HMCN1: variants seen among roughly 807,000 people sequenced by gnomAD.
HMCN1 encodes hemicentin-1.
A neutral mutation model predicts 625.9 loss-of-function variants in HMCN1; 321 were observed. That is an observed-to-expected ratio of 0.51 (90% CI 0.47 to 0.56). HMCN1 has a LOEUF of 0.56. Ranked by LOEUF, HMCN1 falls within the 20% of genes least tolerant of loss-of-function variation. The probability of loss-of-function intolerance (pLI) is 0.00; values close to 1 mark genes in which losing one functional copy is unlikely to be tolerated. For synonymous variants in HMCN1, 2,425 were observed against 2,417.6 expected, an observed-to-expected ratio of 1.00 and a Z score of -0.09; for missense variants, 6,588 against 6,887.3, an observed-to-expected ratio of 0.96 and a Z score of 1.54.
At chr1:185,837,220 G>A (rs1162840196) in intron 1 of HMCN1, among the ~76,000 whole-genome samples, 3 of 151,838 alleles carry the variant, frequency 2.0e-5, no homozygotes, top group Non-Finnish European at 2.9e-5. Flanking sequence ...CACAGATGTT[G>A]TAACCATTCA....
intron 4 of HMCN1, among the ~76,000 whole-genome samples, chr1:185,881,870 AC>A (rs1375021249): frequency 6.6e-6 from 1 of 152,128 alleles, no homozygotes; most frequent in Non-Finnish European, 1.5e-5. Flanking sequence ...TCACATCCAA[AC>A]TTGTTCTGAA....
chr1:185,911,289 C>T (rs73062140), intron 5 of HMCN1, among the ~76,000 whole-genome samples: 9,650 of 152,092 alleles, frequency 0.063, 1,075 homozygotes, highest in African/African-American at 0.22. Context: ...AGGCTGGCTT[C>T]GGAAATATGA....
intron 20 of HMCN1, among the ~76,000 whole-genome samples, chr1:185,988,525 T>A (rs922799586): frequency 3.3e-5 from 5 of 152,218 alleles, no homozygotes; most frequent in Non-Finnish European, 5.9e-5. Context: ...GTTAGCTTTT[T>A]AAAAAAATTA....
At chr1:186,000,641 A>G (rs987986605) in intron 26 of HMCN1, among the ~76,000 whole-genome samples, 8 of 151,372 alleles carry the variant, frequency 5.3e-5, no homozygotes, top group African/African-American at 1.7e-4. Context: ...AAGAAATACA[A>G]TGTTTTATCC....
intron 89 of HMCN1, among the ~76,000 whole-genome samples, chr1:186,143,197 A>T (rs1650082123): frequency 6.6e-6 from 1 of 152,354 alleles, no homozygotes; most frequent in South Asian, 2.1e-4. Flanking sequence ...ACATGCATTT[A>T]AAAATATTTT....
intron 4 of HMCN1, among the ~76,000 whole-genome samples, chr1:185,892,524 C>G (rs988152489): frequency 3.3e-5 from 5 of 152,002 alleles, no homozygotes; most frequent in Non-Finnish European, 7.3e-5. Flanking sequence ...AGTTTTCCTT[C>G]TAACAGACAG....
chr1:186,187,818 G>T (rs1653440901), intron 105 of HMCN1, 65 bp from the exon 106 acceptor site: 5 of 1,603,428 alleles, frequency 3.1e-6, no homozygotes, highest in Non-Finnish European at 4.3e-6. Context: ...CATCTACAGT[G>T]CCTGCTCTGA....
In HMCN1 at chr1:185,995,025, A is replaced by G. The variant is rs1014460670; in HGVS notation, c.3716A>G (p.Tyr1239Cys). 1.2e-6 allele frequency: 2 copies of G among 1,613,818 alleles called. No homozygotes were observed. Among genetic ancestry groups the G allele is most frequent in the Non-Finnish European group, 1.7e-6 (2 of 1,179,822 alleles). ...GCCACGCCCTCAGATGCTGGCATAT[A>G]TACATGTGTTGCTACTAACATAGCA... ...DQATPSDAGI[Y>C]TCVATNIAGT... Residue 1239 changes from tyrosine to cysteine, a missense_variant, in exon 24 of 107, where the codon TAT becomes TGT. By Grantham distance (194) the Tyr-to-Cys change is radical. Coordinates refer to ENST00000271588, the MANE Select transcript of HMCN1 (RefSeq NM_031935.3).
chr1:185,791,423 T>C (rs917955262), intron 1 of HMCN1, among the ~76,000 whole-genome samples: 2 of 152,120 alleles, frequency 1.3e-5, no homozygotes, highest in Admixed American at 6.6e-5. Flanking sequence ...ATTATTCTAC[T>C]TACATAAAAA....
chr1:185,736,662 A>C (rs1421466893), intron 1 of HMCN1, among the ~76,000 whole-genome samples: 1 of 152,218 alleles, frequency 6.6e-6, no homozygotes, highest in Non-Finnish European at 1.5e-5. Flanking sequence ...TGATATTTTG[A>C]AGTGATATGA....
intron 1 of HMCN1, among the ~76,000 whole-genome samples, chr1:185,773,802 G>C (rs1656410686): frequency 6.6e-6 from 1 of 152,110 alleles, no homozygotes; most frequent in Non-Finnish European, 1.5e-5. Flanking sequence ...TTAGCAAAAA[G>C]GTTATGATTA....
chr1:186,021,534 C>A (rs996125164), intron 35 of HMCN1, among the ~76,000 whole-genome samples: 1 of 151,956 alleles, frequency 6.6e-6, no homozygotes, highest in East Asian at 1.9e-4. Context: ...GAGGACTGAC[C>A]TAGTTCGATC....
Position 186,001,607 on chromosome 1 carries a change from G to C in HMCN1, c.4214G>C (p.Ser1405Thr). Residue 1405 changes from serine to threonine, a missense_variant, in exon 28 of 107, where the codon AGC (serine) becomes ACC (threonine). Ser to Thr is a moderately conservative substitution (Grantham distance 58, BLOSUM62 1). Around this residue, in one of 3 missense-constraint regions of HMCN1, gnomAD observed 4,628 missense variants for 4,853.1 expected, o/e 0.95. Coordinates refer to ENST00000271588, the MANE Select transcript of HMCN1 (RefSeq NM_031935.3). ...TGGCCCTTAAAGGTGACTGAAAGCAGCACTATTCAGACTGTGAACAATGGG... is the reference window on the plus strand; with the variant it reads ...TGGCCCTTAAAGGTGACTGAAAGCACCACTATTCAGACTGTGAACAATGGG... ...YKDNVQVTES[S>T]TIQTVNNGKI... The C allele has an allele frequency of 6.2e-7, 1 of 1,613,116 alleles. No individual in the cohort carries two copies. Among genetic ancestry groups the C allele is most frequent in the Non-Finnish European group, 8.5e-7 (1 of 1,179,306 alleles).
At chr1:185,741,198 A>T (rs1176788117) in intron 1 of HMCN1, among the ~76,000 whole-genome samples, 3 of 152,074 alleles carry the variant, frequency 2.0e-5, no homozygotes, top group African/African-American at 7.2e-5. Flanking sequence ...CCAGAATCAT[A>T]CGCCCAATAT....
intron 70 of HMCN1, 75 bp from the exon 71 acceptor site, chr1:186,108,386 A>G: frequency 1.2e-6 from 2 of 1,606,614 alleles, no homozygotes; most frequent in South Asian, 2.2e-5. Context: ...TTATTATTTC[A>G]TATAGCAGAA....
intron 11 of HMCN1, among the ~76,000 whole-genome samples, chr1:185,960,357 G>C (rs553045348): frequency 4.3e-4 from 66 of 152,028 alleles, no homozygotes; most frequent in Non-Finnish European, 7.6e-4. Flanking sequence ...TCAAACTCCC[G>C]ACCTCAGTTG....
In HMCN1 at chr1:185,997,579, G is replaced by A. The variant is rs149481249; in HGVS notation, c.3874+55G>A. On this transcript the variant is annotated intron_variant, in intron 25 of 106. Transcript: ENST00000271588. ...GCATAATGTTATATGGTTTCAGAAT[G>A]CTATATTGAACCCAAATTGTCATCC... The A allele has an allele frequency of 6.7e-4, 839 of 1,246,312 alleles. 6 individuals carry two copies. In the African/African-American group the frequency reaches 0.011, roughly 16 times the overall value. 77.2% of individuals were successfully genotyped at this position (1,246,312 alleles called of 1,614,324 possible).
At chr1:185,851,485 C>T (rs1463683231) in intron 2 of HMCN1, among the ~76,000 whole-genome samples, 1 of 152,016 alleles carries the variant, frequency 6.6e-6, no homozygotes, top group African/African-American at 2.4e-5. Flanking sequence ...TAAATTTGTA[C>T]CATTAATTTC....
Position 186,061,838 on chromosome 1 carries a change from T to C in HMCN1, c.7313-13T>C. 1.3e-6 allele frequency: 2 copies of C among 1,567,840 alleles called. No individual in the cohort carries two copies. On this transcript the variant is annotated splice_polypyrimidine_tract_variant and intron_variant, in intron 46 of 106. Transcript: ENST00000271588. ...TTTTTAAGTTATCTTAAAAAGATGGTTTGCTTCTGCAGGAGGCAGGATGCT... is the reference window on the plus strand; with the variant it reads ...TTTTTAAGTTATCTTAAAAAGATGGCTTGCTTCTGCAGGAGGCAGGATGCT...
Sources: allele counts gnomAD v4.1 joint callset (sites outside exome capture counted in the v4.1 genomes callset), GRCh38; gene constraint gnomAD v4.1.1; regional missense constraint gnomAD v4.1.1; transcripts MANE v1.5; gene names NCBI Gene and HGNC (gene_info 2026-07-23, HGNC 2026-07-21).